The following CCNH variants were observed in gnomAD, a reference collection of about 807,000 sequenced individuals.
CCNH encodes cyclin-H.
In CCNH, 31 loss-of-function variants were observed where a neutral mutation model predicts 41.9. The observed-to-expected ratio is 0.74, with a 90% CI of 0.56 to 1.00. The LOEUF (loss-of-function observed/expected upper bound fraction) is 1.00, where lower values mean the gene tolerates loss of function less well. CCNH is among the 50% of genes least tolerant of loss of function. The probability of loss-of-function intolerance (pLI) is 0.00; values close to 1 mark genes in which losing one functional copy is unlikely to be tolerated. For missense variants in CCNH, 362 were observed against 388.4 expected, an observed-to-expected ratio of 0.93 and a Z score of 0.57; for synonymous variants, 138 against 136.1, an observed-to-expected ratio of 1.01 and a Z score of -0.10.
intron 9 of CCNH, chr5:87,341,204 G>A: frequency 2.7e-6 from 2 of 743,616 alleles, no homozygotes; most frequent in Non-Finnish European, 3.8e-6. Flanking sequence ...GTGGGGATAT[G>A]TTTGCAGATA....
At position 87,363,477 on chromosome 5, in the gene CCNH, A is replaced by G. The variant is rs145752649; in HGVS notation, c.*90+29293T>C. ...ATAGATCTCAGTGTATGTTCTGTCT[A>G]TGTCGTTCATGATAGTCTCTTTGGC... On this transcript the variant is annotated intron_variant and NMD_transcript_variant, in intron 9 of 9. Coordinates refer to the CCNH transcript ENST00000645953. 1.2e-3 allele frequency: 1,922 copies of G among 1,612,446 alleles called. 15 individuals carry two copies. Among genetic ancestry groups the G allele is most frequent in the South Asian group, 9.8e-3 (894 of 91,046 alleles).
rs1291701571 is a variant in CCNH, at chr5:87,358,465, A to C, written c.*90+34305T>G. ...AATTCTTCTCTTTTTTTCTTCCTGT[A>C]CTTTATATCTAACCTGTCAGGAAGA... On this transcript the variant is annotated intron_variant and NMD_transcript_variant, in intron 9 of 9. Transcript: ENST00000645953. 1.3e-5 allele frequency among the ~76,000 whole-genome samples: 2 copies of C among 151,978 alleles called. 1 individual carries two copies. Among genetic ancestry groups the C allele is most frequent in the East Asian group, 3.9e-4 (2 of 5,172 alleles).
intron 9 of CCNH, among the ~76,000 whole-genome samples, chr5:87,338,536 A>ATATATATATATATTTTTT: frequency 7.0e-5 from 6 of 85,208 alleles, no homozygotes; most frequent in East Asian, 4.9e-4. Flanking sequence ...TATATATAAA[A>ATATATATATATATTTTTT]TTTTTTTTTT....
rs1764233050 is a variant in CCNH at position 87,411,430 on chromosome 5, T to C, written c.118-84A>G. On this transcript the variant is annotated intron_variant, in intron 1 of 8. Transcript: ENST00000256897. ...AACATTTTTCTCTATCTAGATTAAATTTAGTTTATATATCCAACGAAGGGT... is the reference window on the plus strand; with the variant it reads ...AACATTTTTCTCTATCTAGATTAAACTTAGTTTATATATCCAACGAAGGGT... The C allele has an allele frequency of 7.2e-6, 10 of 1,381,686 alleles. No individual in the cohort carries two copies. In the Admixed American group the frequency reaches 2.4e-4, roughly 33 times the overall value. The allele number at this position is 1,381,686 out of a possible 1,614,324, so 85.6% of individuals were successfully genotyped here. A position where few individuals can be genotyped will look rare whatever the true frequency, so the allele number is the denominator to read the frequency against.
At chr5:87,341,149 C>T (rs1398165570) in intron 9 of CCNH, 18 of 465,624 alleles carry the variant, frequency 3.9e-5, no homozygotes, top group African/African-American at 6.1e-5. Flanking sequence ...AAGATATTTA[C>T]TGAACAGAAA....
At chr5:87,363,650 A>G in intron 9 of CCNH, 1 of 805,840 alleles carries the variant, frequency 1.2e-6, no homozygotes, top group Non-Finnish European at 2.0e-6. Flanking sequence ...TCCTTGCTTA[A>G]TTGTAGACTA....
chr5:87,394,303 G>C lies in CCNH; in HGVS notation c.*143C>G. The C allele has an allele frequency of 7.4e-7, 1 of 1,359,966 alleles. No homozygotes were observed. Among genetic ancestry groups the C allele is most frequent in the Non-Finnish European group, 9.5e-7 (1 of 1,049,780 alleles). 84.2% of individuals were successfully genotyped at this position (1,359,966 alleles called of 1,614,324 possible). ...TTGAAGATGGTTTATTTTACATAAA[G>C]TTACTGTGAAAGGGAAAGAAAACAA... On this transcript the variant is annotated 3_prime_UTR_variant, in exon 9 of 9. Coordinates refer to ENST00000256897, the MANE Select transcript of CCNH (RefSeq NM_001239.4).
At chr5:87,326,295 T>A (rs1757225034) in intron 9 of CCNH, among the ~76,000 whole-genome samples, 1 of 152,202 alleles carries the variant, frequency 6.6e-6, no homozygotes, top group Admixed American at 6.5e-5. Flanking sequence ...TAAAAAATGT[T>A]CATGTGATTC....
chr5:87,362,306 C>T (rs1031523662), intron 9 of CCNH, among the ~76,000 whole-genome samples: 5 of 152,156 alleles, frequency 3.3e-5, no homozygotes, highest in Non-Finnish European at 7.4e-5. Flanking sequence ...TGGAAACAGA[C>T]AACTTATTAG....
chr5:87,370,046 A>G (rs1182678838), intron 9 of CCNH: 1 of 776,050 alleles, frequency 1.3e-6, no homozygotes, highest in African/African-American at 1.8e-5. Context: ...ATGAGATTTC[A>G]TATGTAAAAA....
chr5:87,385,396 A>G, intron 9 of CCNH: 5 of 1,563,686 alleles, frequency 3.2e-6, no homozygotes, highest in Non-Finnish European at 4.4e-6. Flanking sequence ...TAAGGTAAAA[A>G]CATTTTGATA....
chr5:87,383,797 A>G, intron 9 of CCNH: 1 of 1,590,126 alleles, frequency 6.3e-7, no homozygotes, highest in Non-Finnish European at 8.6e-7. Flanking sequence ...AGCTTTTGAT[A>G]CATTTTGAAA....
At chr5:87,313,012 A>G in the CCNH span, among the ~76,000 whole-genome samples, 1 of 152,190 alleles carries the variant, frequency 6.6e-6, no homozygotes, top group African/African-American at 2.4e-5. Flanking sequence ...GTTCCCACAG[A>G]GAGACTGTGA....
Position 87,333,074 on chromosome 5 carries a change from G to A in CCNH, c.*91-14177C>T, listed in dbSNP as rs2271235. 0.42 allele frequency among the ~76,000 whole-genome samples: 63,687 copies of A among 151,806 alleles called. 13,340 individuals carry two copies. The highest frequency in any genetic ancestry group is 0.49 in the Middle Eastern group (144 of 294). ...AGCATACTGCTTATATTTAAAATAT[G>A]ATTTTCATAAAAACAGGAACAACAA... is the stretch of plus-strand genomic sequence containing the variant. On this transcript the variant is annotated intron_variant and NMD_transcript_variant, in intron 9 of 9. Coordinates refer to the CCNH transcript ENST00000645953.
At chr5:87,334,916 C>T (rs1036278361) in intron 9 of CCNH, among the ~76,000 whole-genome samples, 33 of 151,864 alleles carry the variant, frequency 2.2e-4, no homozygotes, top group African/African-American at 7.7e-4. Flanking sequence ...CAGAATCTTG[C>T]TCTGTTACCC....
intron 3 of CCNH, among the ~76,000 whole-genome samples, 200 bp from the exon 4 acceptor site, chr5:87,408,386 C>T (rs1187006455): frequency 2.0e-5 from 3 of 152,110 alleles, no homozygotes; most frequent in Non-Finnish European, 4.4e-5. Flanking sequence ...AGACGTAAGA[C>T]AACTATAAAA....
At chr5:87,367,482 G>T (rs111322540) in intron 9 of CCNH, among the ~76,000 whole-genome samples, 2 of 152,176 alleles carry the variant, frequency 1.3e-5, no homozygotes, top group African/African-American at 4.8e-5. Flanking sequence ...GATGCTGAAC[G>T]AATGTTGGAT....
downstream of CCNH, chr5:87,390,974 T>C (rs1762471726): frequency 4.7e-6 from 6 of 1,288,874 alleles, no homozygotes; most frequent in Non-Finnish European, 4.5e-6. Flanking sequence ...TGCCAAAAAA[T>C]AGCACACTTT....
chr5:87,357,411 T>C (rs1025697293), intron 9 of CCNH, among the ~76,000 whole-genome samples: 99 of 152,256 alleles, frequency 6.5e-4, no homozygotes, highest in African/African-American at 2.2e-3. Flanking sequence ...CTCTTTGAGT[T>C]AGTGATTTTA....
Sources: gnomAD v4.1 joint callset for allele counts (sites outside exome capture counted in the v4.1 genomes callset) on GRCh38, gnomAD v4.1.1 for gene constraint, MANE v1.5 for transcripts, NCBI Gene and HGNC (gene_info 2026-07-23, HGNC 2026-07-21) for gene names.